Variants in KIRREL1 observed in about 807,000 individuals in gnomAD.
KIRREL1 encodes the protein kirre like nephrin family adhesion molecule 1, also known as kin of IRRE-like protein 1.
Under a neutral mutation model 83.3 loss-of-function variants are expected in KIRREL1, and 25 were observed. The observed-to-expected ratio is 0.30, with a 90% CI of 0.22 to 0.42. The LOEUF (loss-of-function observed/expected upper bound fraction) is 0.42. KIRREL1 is among the 10% of genes least tolerant of loss of function. The pLI is 1.00. For missense variants in KIRREL1, 812 were observed against 1,032.3 expected (o/e 0.79, Z 2.92); for synonymous variants, 388 against 410.4 (o/e 0.95, Z 0.66).
At chr1:158,044,103 G>A (rs889826398) in intron 1 of KIRREL1, among the ~76,000 whole-genome samples, 2 of 152,192 alleles carry the variant, frequency 1.3e-5, no homozygotes, top group African/African-American at 4.8e-5. Context: ...GGACTGTGCT[G>A]CATGCCAGGT....
intron 1 of KIRREL1, among the ~76,000 whole-genome samples, chr1:158,011,117 C>T (rs758947893): frequency 1.3e-5 from 2 of 152,156 alleles, no homozygotes; most frequent in Non-Finnish European, 2.9e-5. Context: ...CTTCTCAGCC[C>T]AGGCCCTCAT....
chr1:158,036,887 G>T (rs1660489649), intron 1 of KIRREL1, among the ~76,000 whole-genome samples: 1 of 152,194 alleles, frequency 6.6e-6, no homozygotes, highest in Non-Finnish European at 1.5e-5. Context: ...ACAGGAGTGA[G>T]GACGGCCGAT....
At chr1:158,011,870 C>T (rs1659698040) in intron 1 of KIRREL1, among the ~76,000 whole-genome samples, 2 of 152,188 alleles carry the variant, frequency 1.3e-5, no homozygotes, top group Admixed American at 6.5e-5. Flanking sequence ...ACCGGGTCCC[C>T]TCTGTGGTCA....
In KIRREL1 at chr1:157,993,645, AGCCGCGGGC is replaced by A. The variant is rs1404331923; in HGVS notation, c.-30_-22del. The A allele has an allele frequency of 6.8e-7, 1 of 1,460,906 alleles. No individual in the cohort carries two copies. Among genetic ancestry groups the A allele is most frequent in the Non-Finnish European group, 9.1e-7 (1 of 1,101,324 alleles). 90.5% of individuals were successfully genotyped at this position (1,460,906 alleles called of 1,614,324 possible). A position where few individuals can be genotyped will look rare whatever the true frequency, so the allele number is the denominator to read the frequency against. On this transcript the variant is annotated 5_prime_UTR_variant, in exon 1 of 15. Coordinates refer to ENST00000359209, the MANE Select transcript of KIRREL1 (RefSeq NM_018240.7). ...GGCTCGCTCGCCAACTCCGGGCCCCAGCCGCGGGCGGGCGCACGGCGGGCGGACAGCATG... is the reference window on the plus strand; with the variant it reads ...GGCTCGCTCGCCAACTCCGGGCCCCAGGGCGCACGGCGGGCGGACAGCATG...
Position 158,087,866 on chromosome 1 carries a change from G to A in KIRREL1, c.767+6G>A, listed in dbSNP as rs375825496. Reference sequence around the variant, plus strand: ...CCCGAGATCTTGGGCTACAGGTGAGGGGGTCAGAGGCTGGGAGCGCTCTGG... The same window carrying A: ...CCCGAGATCTTGGGCTACAGGTGAGAGGGTCAGAGGCTGGGAGCGCTCTGG... On this transcript the variant is annotated splice_donor_region_variant and intron_variant, in intron 6 of 14. Transcript: ENST00000359209. 7.8e-5 allele frequency: 126 copies of A among 1,613,104 alleles called. No homozygotes were observed. The highest frequency in any genetic ancestry group is 1.0e-4 in the Non-Finnish European group (122 of 1,179,320).
At chr1:158,071,949 C>T (rs989694903) in intron 1 of KIRREL1, among the ~76,000 whole-genome samples, 2 of 152,070 alleles carry the variant, frequency 1.3e-5, no homozygotes, top group Admixed American at 1.3e-4. Context: ...ACTGGGTCCC[C>T]TCTCCCCTTC....
intron 1 of KIRREL1, among the ~76,000 whole-genome samples, chr1:158,060,292 C>T (rs565387445): frequency 6.6e-6 from 1 of 152,294 alleles, no homozygotes; most frequent in African/African-American, 2.4e-5. Context: ...ACCTTTGCCC[C>T]TCCTTCTCAA....
chr1:158,050,019 G>A lies in KIRREL1; in HGVS notation c.53-26094G>A, dbSNP rs923567368. Among the ~76,000 whole-genome samples the A allele has an allele frequency of 4.6e-5, 7 of 152,188 alleles. No homozygotes were observed. The East Asian group carries it at 1.3e-3, about 29-fold the overall frequency. ...GAGCAATTCCTGGAAATCCCTGGAT[G>A]AGGACCAAGGACTTGGCAGTTTTTC... On this transcript the variant is annotated intron_variant, in intron 1 of 14. Transcript: ENST00000359209.
intron 1 of KIRREL1, among the ~76,000 whole-genome samples, chr1:158,011,365 CG>C (rs1659683244): frequency 1.3e-5 from 2 of 152,192 alleles, no homozygotes; most frequent in African/African-American, 4.8e-5. Context: ...GTTGGACCCT[CG>C]GAGAAGCCCC....
chr1:158,067,458 C>G (rs1242152006), intron 1 of KIRREL1, among the ~76,000 whole-genome samples: 1 of 152,204 alleles, frequency 6.6e-6, no homozygotes, highest in African/African-American at 2.4e-5. Context: ...TTCCTCCCAG[C>G]AGTCGGTGCT....
chr1:158,062,177 C>G (rs1362904489), intron 1 of KIRREL1, among the ~76,000 whole-genome samples: 1 of 152,196 alleles, frequency 6.6e-6, no homozygotes, highest in Non-Finnish European at 1.5e-5. Flanking sequence ...CTGGCCTCTG[C>G]TCTTGGAGCA....
chr1:157,998,753 G>T (rs982707227), intron 1 of KIRREL1, among the ~76,000 whole-genome samples: 1 of 152,206 alleles, frequency 6.6e-6, no homozygotes, highest in Non-Finnish European at 1.5e-5. Context: ...TAACCCGCCT[G>T]GGGAGGCTTT....
chr1:158,006,970 A>G (rs1659536521), intron 1 of KIRREL1, among the ~76,000 whole-genome samples: 1 of 152,202 alleles, frequency 6.6e-6, no homozygotes, highest in Non-Finnish European at 1.5e-5. Flanking sequence ...CCCAAGAGAT[A>G]GCAGTGTAAG....
chr1:158,060,760 AT>A (rs1558007006), intron 1 of KIRREL1, among the ~76,000 whole-genome samples: 1 of 152,150 alleles, frequency 6.6e-6, no homozygotes, highest in African/African-American at 2.4e-5. Flanking sequence ...AATACAAGGT[AT>A]TGAGGAATGC....
At chr1:158,072,285 G>A (rs1661537391) in intron 1 of KIRREL1, among the ~76,000 whole-genome samples, 1 of 152,084 alleles carries the variant, frequency 6.6e-6, no homozygotes, top group South Asian at 2.1e-4. Context: ...TTTTCTGGAT[G>A]GTGGTTTCAC....
At chr1:158,075,266 T>A (rs1661644273) in intron 1 of KIRREL1, among the ~76,000 whole-genome samples, 1 of 152,206 alleles carries the variant, frequency 6.6e-6, no homozygotes. Flanking sequence ...AGTTCTCTAA[T>A]CAAATGCTCC....
At chr1:158,014,683 G>T (rs1276454968) in intron 1 of KIRREL1, among the ~76,000 whole-genome samples, 1 of 123,528 alleles carries the variant, frequency 8.1e-6, no homozygotes, top group Admixed American at 8.0e-5. Context: ...GTCTTTATGG[G>T]GGGGGGGGGG....
chr1:158,050,406 A>C (rs551043409), intron 1 of KIRREL1, among the ~76,000 whole-genome samples: 1 of 152,178 alleles, frequency 6.6e-6, no homozygotes, highest in South Asian at 2.1e-4. Flanking sequence ...CAGTAAAGCC[A>C]GAATTGTAAC....
Position 158,042,997 on chromosome 1 carries a change from A to T in KIRREL1, c.53-33116A>T, listed in dbSNP as rs148540235. The stretch of plus-strand genomic sequence containing the variant: ...CAGCTACTGGGGAGGCTGAGGCAGG[A>T]GAATGGTGTGAACCTGGGAGACGGA... On this transcript the variant is annotated intron_variant, in intron 1 of 14. Coordinates refer to ENST00000359209, the MANE Select transcript of KIRREL1 (RefSeq NM_018240.7). Among the ~76,000 whole-genome samples, 1,137 of 150,164 alleles carry T rather than the reference A, an allele frequency of 7.6e-3. 17 individuals are homozygous for T. The highest frequency in any genetic ancestry group is 0.026 in the African/African-American group (1,060 of 40,792).
Sources: allele counts gnomAD v4.1 joint callset (sites outside exome capture counted in the v4.1 genomes callset), GRCh38; gene constraint gnomAD v4.1.1; transcripts MANE v1.5; gene names NCBI Gene and HGNC (gene_info 2026-07-23, HGNC 2026-07-21).